HHAT: variants seen among roughly 807,000 people sequenced by gnomAD.
HHAT encodes hedgehog acyltransferase, also known as protein-cysteine N-palmitoyltransferase HHAT.
A neutral mutation model predicts 70.8 loss-of-function variants in HHAT; 47 were observed. The ratio of observed to expected loss-of-function variants is 0.66; its 90% CI spans 0.53 to 0.85. The LOEUF is 0.85. Ranked by LOEUF, HHAT falls within the 40% of genes least tolerant of loss-of-function variation. The pLI is 0.00. For missense variants in HHAT, 609 were observed against 604.8 expected (o/e 1.01, Z -0.07); for synonymous variants, 228 against 247.6 (o/e 0.92, Z 0.74).
chr1:210,449,860 G>A (rs774524527), intron 7 of HHAT, among the ~76,000 whole-genome samples: 89 of 152,212 alleles, frequency 5.8e-4, no homozygotes, highest in Non-Finnish European at 9.4e-4. Flanking sequence ...TCGCTAATTC[G>A]CTCTCTAAAT....
intron 7 of HHAT, among the ~76,000 whole-genome samples, chr1:210,423,265 T>G (rs1294002931): frequency 6.6e-6 from 1 of 152,224 alleles, no homozygotes; most frequent in East Asian, 1.9e-4. Flanking sequence ...ATAGTCATCC[T>G]AACTCTGGGG....
At chr1:210,443,251 TGTA>T (rs201892190) in intron 7 of HHAT, among the ~76,000 whole-genome samples, 31,623 of 151,178 alleles carry the variant, frequency 0.21, 3,438 homozygotes, top group South Asian at 0.27. Context: ...ACTGTAGCCT[TGTA>T]GTATAGTTTG....
At position 210,328,916 on chromosome 1, in the gene HHAT, G is replaced by A. The variant is rs548673462; in HGVS notation, c.-232G>A. The A allele has an allele frequency of 4.3e-5, 39 of 904,234 alleles. No homozygotes were observed. In the African/African-American group the frequency reaches 6.7e-4, roughly 16 times the overall value. The allele number at this position is 904,234 out of a possible 1,614,324, so 56.0% of individuals were successfully genotyped here. The stretch of plus-strand genomic sequence containing the variant: ...GGAGGGCGCGCGGGCACGGCGGCAG[G>A]GGCGTGCTCGGAGGACGCGCGCTGC... On this transcript the variant is annotated 5_prime_UTR_variant, in exon 1 of 12. Transcript: ENST00000261458.
chr1:210,434,595 A>G (rs2093332318), intron 7 of HHAT, among the ~76,000 whole-genome samples: 1 of 151,836 alleles, frequency 6.6e-6, no homozygotes, highest in African/African-American at 2.4e-5. Flanking sequence ...TCTTTCCCCA[A>G]GTAACTATTC....
At chr1:210,426,074 C>T (rs890516231) in intron 7 of HHAT, among the ~76,000 whole-genome samples, 1 of 152,028 alleles carries the variant, frequency 6.6e-6, no homozygotes, top group Non-Finnish European at 1.5e-5. Context: ...TAGTTAGCTG[C>T]ATTGCTAGGT....
At chr1:210,590,972 A>G (rs1193608463) in intron 10 of HHAT, among the ~76,000 whole-genome samples, 1 of 152,146 alleles carries the variant, frequency 6.6e-6, no homozygotes, top group Non-Finnish European at 1.5e-5. Context: ...TATGGGGTAC[A>G]TGAGATATTT....
At chr1:210,493,301 C>A (rs2094580072) in intron 8 of HHAT, among the ~76,000 whole-genome samples, 1 of 152,050 alleles carries the variant, frequency 6.6e-6, no homozygotes, top group Non-Finnish European at 1.5e-5. Context: ...AAATAATTGG[C>A]AAATTCAAAC....
At chr1:210,637,045 C>T (rs568919865) in intron 11 of HHAT, among the ~76,000 whole-genome samples, 14 of 152,240 alleles carry the variant, frequency 9.2e-5, no homozygotes, top group African/African-American at 2.6e-4. Context: ...ACACCTACCT[C>T]GTAGGGGGTT....
Position 210,486,304 on chromosome 1 carries a change from A to G in HHAT, c.1007+21649A>G, listed in dbSNP as rs147123015. 4.8e-3 allele frequency among the ~76,000 whole-genome samples: 725 copies of G among 152,296 alleles called. 7 individuals carry two copies. Among genetic ancestry groups the G allele is most frequent in the African/African-American group, 0.017 (691 of 41,562 alleles). On this transcript the variant is annotated intron_variant, in intron 8 of 11. Transcript: ENST00000261458. ...AATGAATTTGTGTAACAGCCTAGTAAAGGGCATATTTTTGAATTCCTCCTA... is the reference window on the plus strand; with the variant it reads ...AATGAATTTGTGTAACAGCCTAGTAGAGGGCATATTTTTGAATTCCTCCTA...
At position 210,425,347 on chromosome 1, in the gene HHAT, T is replaced by A. The variant is rs2093030616; in HGVS notation, c.856+7022T>A. On this transcript the variant is annotated intron_variant, in intron 7 of 11. Transcript: ENST00000261458. ...GTTTTGCTGTGCAGAAGCTCTTTAA[T>A]TAGATCCCATTTGTCAATTTTGCTT... is the stretch of plus-strand genomic sequence containing the variant. 1.3e-5 allele frequency among the ~76,000 whole-genome samples: 2 copies of A among 152,228 alleles called. 1 individual carries two copies. The highest frequency in any genetic ancestry group is 4.1e-4 in the South Asian group (2 of 4,832).
chr1:210,457,113 G>A (rs1218378692), intron 7 of HHAT, among the ~76,000 whole-genome samples: 1 of 152,130 alleles, frequency 6.6e-6, no homozygotes, highest in Non-Finnish European at 1.5e-5. Flanking sequence ...CCATCATGAT[G>A]ACTCTGAGCA....
At chr1:210,498,045 G>A (rs1245995531) in intron 8 of HHAT, among the ~76,000 whole-genome samples, 2 of 151,994 alleles carry the variant, frequency 1.3e-5, no homozygotes, top group Admixed American at 6.6e-5. Context: ...ATGAGCCACC[G>A]AGCCCGGCCA....
intron 11 of HHAT, among the ~76,000 whole-genome samples, chr1:210,661,765 G>A (rs1432109010): frequency 6.6e-6 from 1 of 152,168 alleles, no homozygotes; most frequent in Non-Finnish European, 1.5e-5. Context: ...CATGGATGCA[G>A]CTGGAAACCA....
chr1:210,623,419 C>A, intron 10 of HHAT, 107 bp from the exon 11 acceptor site: 3 of 1,242,846 alleles, frequency 2.4e-6, no homozygotes, highest in South Asian at 1.4e-5. Flanking sequence ...CTGGTTTGGG[C>A]TCTGTGGGGA....
chr1:210,600,997 A>C (rs1287287283), intron 10 of HHAT, among the ~76,000 whole-genome samples: 1 of 152,106 alleles, frequency 6.6e-6, no homozygotes, highest in East Asian at 1.9e-4. Context: ...CTGAAGCAGT[A>C]AAATTTCTAT....
intron 10 of HHAT, among the ~76,000 whole-genome samples, chr1:210,602,397 T>G (rs1272962226): frequency 6.6e-6 from 1 of 152,062 alleles, no homozygotes; most frequent in Non-Finnish European, 1.5e-5. Context: ...AAGGCTTGAA[T>G]AGCACACTGG....
intron 9 of HHAT, among the ~76,000 whole-genome samples, chr1:210,574,697 C>T (rs1034567261): frequency 1.3e-5 from 2 of 152,192 alleles, no homozygotes; most frequent in Non-Finnish European, 2.9e-5. Flanking sequence ...GCCATGGGCC[C>T]TGCCTCTGAG....
chr1:210,382,987 C>G (rs1485317858), intron 3 of HHAT, among the ~76,000 whole-genome samples: 1 of 152,160 alleles, frequency 6.6e-6, no homozygotes, highest in South Asian at 2.1e-4. Context: ...TCTCTGACCT[C>G]CAGTTAACTC....
intron 8 of HHAT, among the ~76,000 whole-genome samples, chr1:210,480,606 T>C (rs572683144): frequency 6.6e-6 from 1 of 152,198 alleles, no homozygotes; most frequent in Non-Finnish European, 1.5e-5. Context: ...CCATTTCTGT[T>C]TGGAGCCCGT....
Sources: gnomAD v4.1 joint callset for allele counts (sites outside exome capture counted in the v4.1 genomes callset) on GRCh38, gnomAD v4.1.1 for gene constraint, MANE v1.5 for transcripts, NCBI Gene and HGNC (gene_info 2026-07-23, HGNC 2026-07-21) for gene names.